DOCK1: variants seen among roughly 807,000 people sequenced by gnomAD.
DOCK1 encodes dedicator of cytokinesis protein 1.
In DOCK1, 138 loss-of-function variants were observed where a neutral mutation model predicts 262.7. The observed-to-expected ratio is 0.53, with a 90% confidence interval of 0.46 to 0.61. The LOEUF (loss-of-function observed/expected upper bound fraction) is 0.61, where lower values mean the gene tolerates loss of function less well. Ranked by LOEUF, DOCK1 falls within the 20% of genes least tolerant of loss-of-function variation. The probability of loss-of-function intolerance (pLI) is 0.00; values close to 1 mark genes in which losing one functional copy is unlikely to be tolerated. For synonymous variants in DOCK1, 866 were observed against 867.4 expected, an observed-to-expected ratio of 1.00 and a Z score of 0.03; for missense variants, 1,908 against 2,370.7, an observed-to-expected ratio of 0.80 and a Z score of 4.05.
At chr10:127,270,249 A>G (rs748403238) in intron 29 of DOCK1, among the ~76,000 whole-genome samples, 9 of 152,306 alleles carry the variant, frequency 5.9e-5, no homozygotes, top group South Asian at 2.1e-4. Flanking sequence ...CAAAACTCCA[A>G]TGAAGAAAAA....
At chr10:127,385,086 T>TA (rs1303294511) in intron 38 of DOCK1, among the ~76,000 whole-genome samples, 177 bp downstream of exon 38, 3 of 149,614 alleles carry the variant, frequency 2.0e-5, no homozygotes, top group Non-Finnish European at 3.0e-5. Flanking sequence ...AATCTTCTTT[T>TA]AAAAAAAATC....
chr10:127,292,227 GGA>G (rs386748793), intron 29 of DOCK1, among the ~76,000 whole-genome samples: 4,299 of 152,024 alleles, frequency 0.028, 198 homozygotes, highest in African/African-American at 0.096. Context: ...TGTTTTCGGG[GGA>G]GGGGGGGCCC....
chr10:127,119,954 C>T (rs975177789), intron 25 of DOCK1, among the ~76,000 whole-genome samples: 2 of 152,222 alleles, frequency 1.3e-5, no homozygotes, highest in Non-Finnish European at 1.5e-5. Flanking sequence ...GAGCATTAAT[C>T]ATCCTGGCTT....
At chr10:127,171,036 C>T (rs905827568) in intron 27 of DOCK1, among the ~76,000 whole-genome samples, 2 of 152,160 alleles carry the variant, frequency 1.3e-5, no homozygotes, top group Admixed American at 6.5e-5. Context: ...CTTTATTCAG[C>T]GCCAACTGTG....
At chr10:127,018,423 T>C (rs2042172619) in intron 12 of DOCK1, among the ~76,000 whole-genome samples, 1 of 152,166 alleles carries the variant, frequency 6.6e-6, no homozygotes, top group Non-Finnish European at 1.5e-5. Flanking sequence ...GAGACATTGG[T>C]CCTTGGCATT....
At chr10:127,395,170 G>C (rs1420025633) in intron 38 of DOCK1, among the ~76,000 whole-genome samples, 1 of 152,144 alleles carries the variant, frequency 6.6e-6, no homozygotes, top group Admixed American at 6.5e-5. Context: ...GTCCCTTCAT[G>C]CTCCTATAAC....
chr10:127,074,684 A>G (rs1428171536), intron 23 of DOCK1, among the ~76,000 whole-genome samples: 2 of 152,170 alleles, frequency 1.3e-5, no homozygotes, highest in Admixed American at 1.3e-4. Flanking sequence ...TAGCATCACT[A>G]TTTTTTAAAT....
At chr10:127,003,915 C>G (rs2040790015) in intron 10 of DOCK1, among the ~76,000 whole-genome samples, 1 of 149,936 alleles carries the variant, frequency 6.7e-6, no homozygotes, top group African/African-American at 2.5e-5. Context: ...GATTGTGTCA[C>G]TGCGCTCCAG....
chr10:127,015,451 C>T (rs752388627), intron 12 of DOCK1, among the ~76,000 whole-genome samples: 7 of 152,178 alleles, frequency 4.6e-5, no homozygotes, highest in Non-Finnish European at 1.0e-4. Flanking sequence ...TCTCTGTCCC[C>T]TTGTGAGCTC....
intron 30 of DOCK1, among the ~76,000 whole-genome samples, chr10:127,342,826 A>C (rs2063491230): frequency 6.6e-6 from 1 of 152,216 alleles, no homozygotes; most frequent in African/African-American, 2.4e-5. Context: ...TATTGAAAGA[A>C]GAAATGTTTG....
rs2068287135 is a variant in DOCK1 at position 127,418,391 on chromosome 10, C to G, written c.4542C>G (p.Ala1514=). 6.2e-7 allele frequency: 1 copy of G among 1,613,348 alleles called. No individual in the cohort carries two copies. The highest frequency in any genetic ancestry group is 1.3e-5 in the African/African-American group (1 of 74,878). The change falls in exon 45 of 52, where the codon GCC becomes GCG. Residue 1514 remains alanine, a synonymous_variant. Coordinates refer to ENST00000623213, the MANE Select transcript of DOCK1 (RefSeq NM_001290223.2). ...TGGAAATCAGCCCCCTGGAGAATGC[C>G]ATTGAGACCATGCAGCTGACGAACG... The part of the protein sequence containing the change: ...FMVEISPLEN[A]IETMQLTNDK...
chr10:127,362,591 GA>G (rs926449541), intron 33 of DOCK1, among the ~76,000 whole-genome samples: 11 of 152,148 alleles, frequency 7.2e-5, no homozygotes, highest in African/African-American at 2.7e-4. Context: ...GTGGTATTTT[GA>G]AAGCTAAAGT....
chr10:127,107,468 C>A (rs1307537949), intron 24 of DOCK1, among the ~76,000 whole-genome samples: 5 of 152,266 alleles, frequency 3.3e-5, no homozygotes, highest in Admixed American at 6.5e-5. Context: ...TTTTCTGCTC[C>A]CAGGGCACCA....
intron 29 of DOCK1, among the ~76,000 whole-genome samples, chr10:127,297,597 CAG>C (rs1389549149): frequency 1.3e-5 from 2 of 152,192 alleles, no homozygotes; most frequent in Non-Finnish European, 2.9e-5. Context: ...AATTAACCAA[CAG>C]ATTAATATTC....
At chr10:127,363,024 C>CAT (rs35518989) in intron 33 of DOCK1, among the ~76,000 whole-genome samples, 46,845 of 75,478 alleles carry the variant, frequency 0.62, 13,101 homozygotes, top group African/African-American at 0.66. Flanking sequence ...CACACACACA[C>CAT]ACACATGCAC....
intron 12 of DOCK1, among the ~76,000 whole-genome samples, chr10:127,017,510 GACAC>G (rs1199136826): frequency 3.1e-5 from 4 of 127,168 alleles, no homozygotes; most frequent in Non-Finnish European, 6.8e-5. Flanking sequence ...GACACACACA[GACAC>G]ACACGTGTAC....
intron 27 of DOCK1, among the ~76,000 whole-genome samples, chr10:127,222,263 C>T (rs576458461): frequency 2.0e-5 from 3 of 152,250 alleles, no homozygotes; most frequent in East Asian, 1.9e-4. Flanking sequence ...CTGCGCTTAC[C>T]GATGGCCTGT....
At chr10:127,016,990 CAGAT>C (rs1194221225) in intron 12 of DOCK1, among the ~76,000 whole-genome samples, 1 of 82,178 alleles carries the variant, frequency 1.2e-5, no homozygotes, top group African/African-American at 5.0e-5. Context: ...CACACACACA[CAGAT>C]ACAGACACCA....
intron 29 of DOCK1, among the ~76,000 whole-genome samples, chr10:127,275,059 C>T (rs894180632): frequency 1.3e-5 from 2 of 152,032 alleles, no homozygotes; most frequent in African/African-American, 4.8e-5. Flanking sequence ...TCTACACTGA[C>T]GTTCAGAAGA....
Sources: allele counts gnomAD v4.1 joint callset (sites outside exome capture counted in the v4.1 genomes callset), GRCh38; gene constraint gnomAD v4.1.1; transcripts MANE v1.5; gene names NCBI Gene and HGNC (gene_info 2026-07-23, HGNC 2026-07-21).